The following WDFY4 variants were observed in gnomAD, a reference collection of about 807,000 sequenced individuals.
WDFY4 encodes the protein WDFY family member 4, also known as WD repeat- and FYVE domain-containing protein 4.
In WDFY4, 169 loss-of-function variants were observed where a neutral mutation model predicts 351.9. The ratio of observed to expected loss-of-function variants is 0.48; its 90% CI spans 0.42 to 0.55. WDFY4 has a LOEUF of 0.55. WDFY4 is among the 20% of genes least tolerant of loss of function. The probability of loss-of-function intolerance (pLI) is 0.00; values close to 1 mark genes in which losing one functional copy is unlikely to be tolerated. For synonymous variants in WDFY4, 1,622 were observed against 1,574.6 expected, an observed-to-expected ratio of 1.03 and a Z score of -0.71; for missense variants, 3,803 against 3,935.6, an observed-to-expected ratio of 0.97 and a Z score of 0.90.
At chr10:48,818,141 C>T (rs1339890932) in intron 32 of WDFY4, among the ~76,000 whole-genome samples, 2 of 152,212 alleles carry the variant, frequency 1.3e-5, no homozygotes, top group Non-Finnish European at 2.9e-5. Flanking sequence ...GAAATTCACA[C>T]AACCACCCCC....
intron 49 of WDFY4, among the ~76,000 whole-genome samples, chr10:48,943,670 G>A (rs938543201): frequency 6.6e-6 from 1 of 151,914 alleles, no homozygotes; most frequent in Non-Finnish European, 1.5e-5. Context: ...TCTGCTCACC[G>A]CAACTTCCGC....
chr10:48,731,868 C>T (rs1442389337), intron 9 of WDFY4, among the ~76,000 whole-genome samples: 1 of 152,172 alleles, frequency 6.6e-6, no homozygotes, highest in African/African-American at 2.4e-5. Flanking sequence ...CTGACAGCTC[C>T]TCAGGAATGG....
rs187523828 is a variant in WDFY4, at chr10:48,744,922, C to T, written c.2459+1374C>T. On this transcript the variant is annotated intron_variant, in intron 12 of 61. Transcript: ENST00000325239. ...TCATTTCTAACCTGTTTACCTGTGT[C>T]TTCCTTGCTTTTTCTGCTTCAGCAC... 1.8e-4 allele frequency among the ~76,000 whole-genome samples: 27 copies of T among 152,336 alleles called. 1 individual carries two copies. The East Asian group carries it at 3.5e-3, about 20-fold the overall frequency.
At chr10:48,790,367 G>T (rs2066637711) in intron 22 of WDFY4, among the ~76,000 whole-genome samples, 1 of 152,244 alleles carries the variant, frequency 6.6e-6, no homozygotes, top group Admixed American at 6.5e-5. Flanking sequence ...CAAGTGCCCT[G>T]CCCAGCAGGA....
At chr10:48,896,497 G>T (rs1837083924) in intron 44 of WDFY4, among the ~76,000 whole-genome samples, 1 of 152,194 alleles carries the variant, frequency 6.6e-6, no homozygotes. Flanking sequence ...TCACTCTACA[G>T]TCTCAGTGAG....
chr10:48,917,633 G>A (rs1182503007), intron 47 of WDFY4, among the ~76,000 whole-genome samples: 1 of 152,202 alleles, frequency 6.6e-6, no homozygotes, highest in East Asian at 1.9e-4. Flanking sequence ...AACCCAGACT[G>A]TGACAGTATC....
chr10:48,762,374 T>A (rs1447187249), intron 13 of WDFY4, among the ~76,000 whole-genome samples: 1 of 152,228 alleles, frequency 6.6e-6, no homozygotes, highest in Non-Finnish European at 1.5e-5. Flanking sequence ...CCTGCTCCTG[T>A]TCCCCTGCTG....
chr10:48,804,652 C>T, intron 25 of WDFY4: 1 of 939,024 alleles, frequency 1.1e-6, no homozygotes. Flanking sequence ...TTTTTCTCTT[C>T]CACTTTCCAC....
intron 39 of WDFY4, among the ~76,000 whole-genome samples, chr10:48,859,333 AATAAG>A (rs1255297476): frequency 6.6e-6 from 1 of 152,200 alleles, no homozygotes; most frequent in African/African-American, 2.4e-5. Context: ...TTTATCACTA[AATAAG>A]ATGTTAGCTG....
intron 2 of WDFY4, among the ~76,000 whole-genome samples, chr10:48,713,117 G>A (rs945021964): frequency 1.3e-5 from 2 of 152,250 alleles, no homozygotes; most frequent in Non-Finnish European, 2.9e-5. Context: ...TAGGGTGTGG[G>A]GTCTTGTCTG....
At chr10:48,797,133 G>A (rs978493986) in intron 24 of WDFY4, among the ~76,000 whole-genome samples, 1 of 152,198 alleles carries the variant, frequency 6.6e-6, no homozygotes, top group African/African-American at 2.4e-5. Flanking sequence ...TCAGAATTCA[G>A]GGGGAAAATA....
intron 12 of WDFY4, among the ~76,000 whole-genome samples, chr10:48,750,722 G>A (rs2065157655): frequency 6.6e-6 from 1 of 152,236 alleles, no homozygotes; most frequent in Non-Finnish European, 1.5e-5. Flanking sequence ...TAAAATGGAT[G>A]CCAAGGACAT....
At position 48,843,583 on chromosome 10, in the gene WDFY4, G is replaced by C. The variant is rs557506012; in HGVS notation, c.6663+10874G>C. Among the ~76,000 whole-genome samples the C allele has an allele frequency of 1.1e-3, 170 of 152,284 alleles. 1 individual carries two copies. In the South Asian group the frequency reaches 0.014, roughly 12 times the overall value. ...TTCAGAAAAAAAATGTATACTGTAT[G>C]TATCAAGATCTTGTAAAGTAAAACA... is the stretch of plus-strand genomic sequence containing the variant. On this transcript the variant is annotated intron_variant, in intron 39 of 61. Transcript: ENST00000325239.
chr10:48,777,292 A>T (rs2066065780), intron 16 of WDFY4, 127 bp from the exon 17 acceptor site: 2 of 912,274 alleles, frequency 2.2e-6, no homozygotes, highest in Non-Finnish European at 3.4e-6. Context: ...TTGGGACCTT[A>T]TGGTCTAAGG....
chr10:48,845,264 G>A (rs2068737283), intron 39 of WDFY4, among the ~76,000 whole-genome samples: 1 of 152,076 alleles, frequency 6.6e-6, no homozygotes, highest in Non-Finnish European at 1.5e-5. Context: ...TTTTCATCTG[G>A]CTCTAGCTCT....
chr10:48,909,117 G>A (rs1440025549), intron 47 of WDFY4, among the ~76,000 whole-genome samples: 1 of 151,972 alleles, frequency 6.6e-6, no homozygotes, highest in Non-Finnish European at 1.5e-5. Flanking sequence ...TCCTCTTTTC[G>A]CTGAGTAGTA....
At chr10:48,741,769 G>C (rs1396099715) in intron 11 of WDFY4, among the ~76,000 whole-genome samples, 1 of 152,006 alleles carries the variant, frequency 6.6e-6, no homozygotes, top group Non-Finnish European at 1.5e-5. Flanking sequence ...TGCCTTCTCA[G>C]ACAATCCCCT....
At chr10:48,859,605 T>G (rs2069263628) in intron 39 of WDFY4, among the ~76,000 whole-genome samples, 1 of 152,214 alleles carries the variant, frequency 6.6e-6, no homozygotes, top group African/African-American at 2.4e-5. Context: ...TGGGGTGTTC[T>G]TGAATTCTGT....
intron 47 of WDFY4, among the ~76,000 whole-genome samples, chr10:48,939,143 G>A (rs180789197): frequency 1.5e-4 from 23 of 152,312 alleles, no homozygotes; most frequent in South Asian, 4.1e-4. Context: ...CAATTCTAAG[G>A]TCACTCAGAG....
Sources: gnomAD v4.1 joint callset for allele counts (sites outside exome capture counted in the v4.1 genomes callset) on GRCh38, gnomAD v4.1.1 for gene constraint, MANE v1.5 for transcripts, NCBI Gene and HGNC (gene_info 2026-07-23, HGNC 2026-07-21) for gene names.